RSPH14: variants seen among roughly 807,000 people sequenced by gnomAD.
RSPH14 encodes the protein radial spoke head 14 homolog, also known as rhabdoid tumor deletion region gene 1.
In RSPH14, 20 loss-of-function variants were observed where a neutral mutation model predicts 26.7. The observed-to-expected ratio is 0.75, with a 90% CI of 0.53 to 1.09. RSPH14 has a LOEUF of 1.09. Among genes scored for constraint, RSPH14 ranks in the 50% least tolerant of loss-of-function variants. RSPH14 has a pLI of 0.00. For synonymous variants in RSPH14, 177 were observed against 189.3 expected (o/e 0.93, Z 0.53); for missense variants, 449 against 457.2 (o/e 0.98, Z 0.16).
intron 4 of RSPH14, among the ~76,000 whole-genome samples, chr22:23,116,062 C>T (rs974384071): frequency 1.3e-5 from 2 of 152,238 alleles, no homozygotes; most frequent in African/African-American, 4.8e-5. Context: ...AACAGTCAAA[C>T]AGGTGCCAGC....
At chr22:23,088,257 C>T (rs1452157671) in intron 4 of RSPH14, among the ~76,000 whole-genome samples, 1 of 152,228 alleles carries the variant, frequency 6.6e-6, no homozygotes, top group African/African-American at 2.4e-5. Flanking sequence ...CAGGGTACCC[C>T]AGTGCGTTTC....
the RSPH14 span, among the ~76,000 whole-genome samples, chr22:23,176,574 G>GC: frequency 1.3e-5 from 2 of 151,890 alleles, no homozygotes; most frequent in African/African-American, 4.8e-5. Context: ...AGACTTTGTC[G>GC]CCCCCACGGC....
chr22:23,166,152 A>T, the RSPH14 span, among the ~76,000 whole-genome samples: 5 of 79,336 alleles, frequency 6.3e-5, no homozygotes, highest in East Asian at 4.3e-4. Context: ...TCTTTTAAAA[A>T]AAAAAAAAAA....
At chr22:23,130,532 G>GAAAGAAAGAAAGAAAGAAAGAAAT (rs367560383) in intron 4 of RSPH14, among the ~76,000 whole-genome samples, 1 of 84,872 alleles carries the variant, frequency 1.2e-5, no homozygotes, top group Non-Finnish European at 2.7e-5. Context: ...AAGAAAGAAA[G>GAAAGAAAGAAAGAAAGAAAGAAAT]AGAAAGAAGG....
intron 2 of RSPH14, 55 bp downstream of exon 2, chr22:23,140,167 G>C: frequency 6.2e-7 from 1 of 1,602,314 alleles, no homozygotes; most frequent in Non-Finnish European, 8.5e-7. Flanking sequence ...TCTACCCAGT[G>C]CCTGAAGCCA....
At chr22:23,137,414 C>T (rs1219433082) in intron 3 of RSPH14, among the ~76,000 whole-genome samples, 3 of 150,822 alleles carry the variant, frequency 2.0e-5, no homozygotes, top group South Asian at 2.1e-4. Context: ...GATGCCAAGC[C>T]CAGGGCTGCT....
the RSPH14 span, chr22:23,180,039 C>T: frequency 5.5e-6 from 2 of 366,674 alleles, no homozygotes; most frequent in African/African-American, 2.2e-5. Flanking sequence ...TATGGCACTG[C>T]GGCGTGGTAG....
chr22:23,145,352 A>G (rs746315546), upstream of RSPH14: 6 of 1,586,654 alleles, frequency 3.8e-6, no homozygotes, highest in East Asian at 9.2e-5. Context: ...GACTCCAGGC[A>G]GGTTCTCGTT....
chr22:23,085,564 G>A (rs2146285887), intron 4 of RSPH14, among the ~76,000 whole-genome samples: 1 of 152,338 alleles, frequency 6.6e-6, no homozygotes, highest in Admixed American at 6.5e-5. Flanking sequence ...AACTGAGCCA[G>A]GGAGAGGGTG....
chr22:23,090,578 T>G (rs866037949), intron 4 of RSPH14, among the ~76,000 whole-genome samples: 1 of 152,166 alleles, frequency 6.6e-6, no homozygotes, highest in Non-Finnish European at 1.5e-5. Context: ...CCACATGGCC[T>G]CCTTCCTGCC....
At chr22:23,123,365 G>A (rs2070086175) in intron 4 of RSPH14, 1 of 1,614,066 alleles carries the variant, frequency 6.2e-7, no homozygotes, top group Admixed American at 1.7e-5. Flanking sequence ...GTAACATCCA[G>A]TTTGTCTTCG....
intron 4 of RSPH14, among the ~76,000 whole-genome samples, chr22:23,081,329 G>C (rs2068672048): frequency 6.6e-6 from 1 of 152,220 alleles, no homozygotes; most frequent in Non-Finnish European, 1.5e-5. Context: ...GGAAGAGTTT[G>C]TGTCTCTGAA....
At chr22:23,080,401 A>G (rs1036607548) in intron 4 of RSPH14, among the ~76,000 whole-genome samples, 3 of 130,814 alleles carry the variant, frequency 2.3e-5, no homozygotes, top group Non-Finnish European at 4.5e-5. Flanking sequence ...TTCCTTTAGC[A>G]GAAGGACACT....
At chr22:23,137,593 G>A (rs1437679370) in intron 3 of RSPH14, among the ~76,000 whole-genome samples, 1 of 151,812 alleles carries the variant, frequency 6.6e-6, no homozygotes, top group African/African-American at 2.4e-5. Flanking sequence ...TTCAAATCCT[G>A]AACCGATTTG....
chr22:23,075,842 G>C (rs2068493912), intron 4 of RSPH14, among the ~76,000 whole-genome samples: 1 of 152,166 alleles, frequency 6.6e-6, no homozygotes, highest in Non-Finnish European at 1.5e-5. Context: ...AGGTCCCTTT[G>C]TGAGGTCTGC....
intron 4 of RSPH14, among the ~76,000 whole-genome samples, chr22:23,115,761 T>C (rs540996023): frequency 6.6e-6 from 1 of 152,354 alleles, no homozygotes; most frequent in Admixed American, 6.5e-5. Context: ...TGACTGGGTC[T>C]TTTTCAGTTT....
upstream of RSPH14, among the ~76,000 whole-genome samples, chr22:23,144,228 C>T (rs375003367): frequency 1.6e-4 from 25 of 151,922 alleles, no homozygotes; most frequent in South Asian, 4.8e-3. Context: ...ATCCCATTGG[C>T]ACACTCCCTT....
chr22:23,127,100 C>T (rs537998544), intron 4 of RSPH14, among the ~76,000 whole-genome samples: 56 of 152,316 alleles, frequency 3.7e-4, no homozygotes, highest in Admixed American at 7.2e-4. Context: ...TCCACATTCC[C>T]CAGATCCCCA....
At position 23,084,468 on chromosome 22, in the gene RSPH14, G is replaced by T. The variant is rs148034162; in HGVS notation, c.422-20335C>A. Among the ~76,000 whole-genome samples the T allele has an allele frequency of 2.8e-3, 433 of 152,270 alleles. 2 individuals are homozygous for T. The highest frequency in any genetic ancestry group is 9.2e-3 in the African/African-American group (382 of 41,552). The stretch of plus-strand genomic sequence containing the variant: ...TCAACACATTTTCAACTTAGGATGG[G>T]TTTATCAGGACATAACCCCATCCTA... On this transcript the variant is annotated intron_variant, in intron 4 of 6. Coordinates refer to ENST00000216036, the MANE Select transcript of RSPH14 (RefSeq NM_014433.3).
Sources: gnomAD v4.1 joint callset for allele counts (sites outside exome capture counted in the v4.1 genomes callset) on GRCh38, gnomAD v4.1.1 for gene constraint, MANE v1.5 for transcripts, NCBI Gene and HGNC (gene_info 2026-07-23, HGNC 2026-07-21) for gene names.